The following XKR5 variants were observed in gnomAD, a reference collection of about 807,000 sequenced individuals.
XKR5 encodes XK related 5, also known as XK-related protein 5.
A neutral mutation model predicts 40.8 loss-of-function variants in XKR5; 46 were observed. The observed-to-expected ratio is 1.13, with a 90% confidence interval of 0.89 to 1.44. The LOEUF (loss-of-function observed/expected upper bound fraction) is 1.44, where lower values mean the gene tolerates loss of function less well. XKR5 is among the 40% of genes most tolerant of loss of function. XKR5 has a pLI of 0.00. For synonymous variants in XKR5, 466 were observed against 356.1 expected (o/e 1.31, Z -3.48); for missense variants, 1,169 against 844.7 (o/e 1.38, Z -4.76).
At chr8:6,817,413 C>T (rs1804013011) in intron 5 of XKR5, among the ~76,000 whole-genome samples, 1 of 152,166 alleles carries the variant, frequency 6.6e-6, no homozygotes, top group Admixed American at 6.5e-5. Flanking sequence ...AACCAAACTC[C>T]AGTCAGCCTT....
At chr8:6,817,700 T>G (rs1407876815) in intron 5 of XKR5, among the ~76,000 whole-genome samples, 1 of 152,216 alleles carries the variant, frequency 6.6e-6, no homozygotes, top group Non-Finnish European at 1.5e-5. Flanking sequence ...AGCAGTTCCT[T>G]TAGAAAGCTT....
chr8:6,815,941 A>G (rs774313907), intron 5 of XKR5, 23 bp from the exon 6 acceptor site: 1 of 1,555,544 alleles, frequency 6.4e-7, no homozygotes, highest in Admixed American at 1.8e-5. Flanking sequence ...GGACAGAGGC[A>G]CCACACCTCG....
In XKR5 at chr8:6,812,339, C is replaced by G; in HGVS notation, c.920G>C (p.Gly307Ala). The G allele has an allele frequency of 6.5e-7, 1 of 1,537,004 alleles. No homozygotes were observed. Among genetic ancestry groups the G allele is most frequent in the South Asian group, 1.2e-5 (1 of 81,062 alleles). Residue 307 changes from glycine to alanine, a missense_variant and splice_region_variant, in exon 7 of 7, where the codon GGC becomes GCC. Physicochemically the swap from Gly to Ala is moderately conservative, Grantham distance 60. Transcript: ENST00000618742. ...IAGVLSGFLIGSVSLVIYYSL... is the reference protein window; with the variant it reads ...IAGVLSGFLIASVSLVIYYSL... Reference sequence around the variant, plus strand: ...GTAATAAATTACCAGTGAGACACTGCCTGAAAAAGAACAAAAAGACCACAA... The same window carrying G: ...GTAATAAATTACCAGTGAGACACTGGCTGAAAAAGAACAAAAAGACCACAA...
chr8:6,828,038 C>A (rs1413629106), intron 2 of XKR5, among the ~76,000 whole-genome samples: 1 of 152,020 alleles, frequency 6.6e-6, no homozygotes, highest in African/African-American at 2.4e-5. Flanking sequence ...CACTGCACTC[C>A]AGCCTGGGTG....
chr8:6,813,642 A>C (rs1715939707), intron 6 of XKR5, among the ~76,000 whole-genome samples: 4 of 152,192 alleles, frequency 2.6e-5, no homozygotes, highest in Admixed American at 2.6e-4. Flanking sequence ...TGGCAGCTCC[A>C]TCAGAGGCCG....
At position 6,825,283 on chromosome 8, in the gene XKR5, C is replaced by T. The variant is rs1321748098; in HGVS notation, c.309G>A (p.Gln103=). Residue 103 remains glutamine, a synonymous_variant, in exon 3 of 7, where the codon CAG becomes CAA. Transcript: ENST00000618742. Reference sequence around the variant, plus strand: ...GGGCCGACAGGTCGGCCTCCTGCAGCTGCAGCCAGCCTCGGTGGGGAGCCT... The same window carrying T: ...GGGCCGACAGGTCGGCCTCCTGCAGTTGCAGCCAGCCTCGGTGGGGAGCCT... ...ELEAPHRGWL[Q]LQEADLSALR... 2.5e-6 allele frequency: 4 copies of T among 1,610,496 alleles called. No individual in the cohort carries two copies. The highest frequency in any genetic ancestry group is 3.4e-5 in the Admixed American group (2 of 59,198).
intron 6 of XKR5, among the ~76,000 whole-genome samples, chr8:6,815,076 C>T (rs1803896699): frequency 6.6e-6 from 1 of 152,214 alleles, no homozygotes; most frequent in African/African-American, 2.4e-5. Flanking sequence ...CGAGGCCCCA[C>T]GTGAGAGGTG....
intron 6 of XKR5, among the ~76,000 whole-genome samples, chr8:6,815,005 G>A (rs776132244): frequency 1.3e-5 from 2 of 152,228 alleles, no homozygotes; most frequent in African/African-American, 4.8e-5. Flanking sequence ...GCTCTGGAGG[G>A]AGGGCAGGAG....
At chr8:6,829,891 C>G (rs1804680277) in intron 2 of XKR5, among the ~76,000 whole-genome samples, 5 of 123,278 alleles carry the variant, frequency 4.1e-5, no homozygotes, top group South Asian at 2.7e-4. Flanking sequence ...AAGCTGGAGT[C>G]CAGTGATGCA....
intron 1 of XKR5, among the ~76,000 whole-genome samples, chr8:6,834,281 TG>T (rs1804902569): frequency 6.6e-6 from 1 of 152,214 alleles, no homozygotes; most frequent in Non-Finnish European, 1.5e-5. Context: ...TTAGGGAAAC[TG>T]GGAAAACTGC....
chr8:6,822,071 C>T, intron 4 of XKR5, 33 bp from the exon 5 acceptor site: 1 of 1,572,796 alleles, frequency 6.4e-7, no homozygotes, highest in Non-Finnish European at 8.6e-7. Flanking sequence ...CGTCAGGGTC[C>T]ATGCAAGGAG....
chr8:6,835,320 G>A (rs1804964044), intron 1 of XKR5, 116 bp downstream of exon 1: 1 of 1,104,386 alleles, frequency 9.1e-7, no homozygotes, highest in Non-Finnish European at 1.2e-6. Context: ...GGCGCGCAGT[G>A]CTGGGCGCAG....
chr8:6,811,484 G>C lies in XKR5; in HGVS notation c.1775C>G (p.Pro592Arg). 6.5e-7 allele frequency: 1 copy of C among 1,528,406 alleles called. No homozygotes were observed. The highest frequency in any genetic ancestry group is 2.0e-5 in the Admixed American group (1 of 50,514). 94.7% of individuals were successfully genotyped at this position (1,528,406 alleles called of 1,614,324 possible). Residue 592 changes from proline to arginine, a missense_variant, in exon 7 of 7, where the codon CCC becomes CGC. By Grantham distance (103) the Pro-to-Arg change is moderately radical (BLOSUM62 -2). Transcript: ENST00000618742. ...GGGGCTAATGTCGGCCATGGTGTCG[G>C]GGAAGGGCGCCAAGCCCACTGGGTG... ...SPHPVGLAPF[P>R]DTMADISPIL...
At chr8:6,832,344 C>G (rs1379935282) in intron 2 of XKR5, among the ~76,000 whole-genome samples, 1 of 152,236 alleles carries the variant, frequency 6.6e-6, no homozygotes, top group Admixed American at 6.5e-5. Context: ...GTTCACTAAA[C>G]TATGCCACCT....
chr8:6,823,586 C>A lies in XKR5; in HGVS notation c.572G>T (p.Gly191Val), dbSNP rs776042034. ...CAGAACCAGACTCAGCACGCGGGTT[C>A]CCAACATGCCCATCCTCCAGAGCTG... ...CQQLWRMGML[G>V]TRVLSLVLFY... The change falls in exon 4 of 7, where the codon GGA becomes GTA. Residue 191 changes from glycine to valine, a missense_variant. Transcript: ENST00000618742. 109 of 1,596,270 alleles carry A rather than the reference C, an allele frequency of 6.8e-5. No homozygotes were observed. Among genetic ancestry groups the A allele is most frequent in the Non-Finnish European group, 9.0e-5 (106 of 1,171,506 alleles).
Position 6,832,946 on chromosome 8 carries a change from T to G in XKR5, c.59-46A>C, listed in dbSNP as rs112669687. ...CAAGCAGGTTGTTGGAAGGCTGGAG[T>G]GAGACTGGGTACCTGCATTTTAAAC... On this transcript the variant is annotated intron_variant, in intron 1 of 6. Transcript: ENST00000618742. The G allele has an allele frequency of 0.017, 24,465 of 1,461,194 alleles. 3,054 individuals carry two copies. In the African/African-American group the frequency reaches 0.29, roughly 17 times the overall value. The allele number at this position is 1,461,194 out of a possible 1,614,324, so 90.5% of individuals were successfully genotyped here.
At chr8:6,827,650 G>A (rs1484610554) in intron 2 of XKR5, among the ~76,000 whole-genome samples, 1 of 152,178 alleles carries the variant, frequency 6.6e-6, no homozygotes, top group East Asian at 1.9e-4. Flanking sequence ...TAACCATGAG[G>A]GCAGGCAGTA....
At position 6,820,058 on chromosome 8, in the gene XKR5, T is replaced by C. The variant is rs117129464; in HGVS notation, c.807+1811A>G. 7.7e-4 allele frequency among the ~76,000 whole-genome samples: 117 copies of C among 152,354 alleles called. 2 individuals are homozygous for C. In the East Asian group the frequency reaches 0.014, roughly 18 times the overall value. On this transcript the variant is annotated intron_variant, in intron 5 of 6. Coordinates refer to ENST00000618742, the MANE Select transcript of XKR5 (RefSeq NM_207411.5). ...ATCCTAGCAACAACCATTTCAGAGA[T>C]GCAAAAACTGGGTGTGGGGGCAGGG...
chr8:6,817,912 G>A lies in XKR5; in HGVS notation c.808-1994C>T, dbSNP rs546104205. Among the ~76,000 whole-genome samples, 6 of 152,258 alleles carry A rather than the reference G, an allele frequency of 3.9e-5. No individual in the cohort carries two copies. In the South Asian group the frequency reaches 8.3e-4, roughly 21 times the overall value. On this transcript the variant is annotated intron_variant, in intron 5 of 6. Transcript: ENST00000618742. ...CTCCCAGCAAGTGACAAGCGCCAATGAACAAACACAGATGGCACACTCACA... is the reference window on the plus strand; with the variant it reads ...CTCCCAGCAAGTGACAAGCGCCAATAAACAAACACAGATGGCACACTCACA...
Sources: gnomAD v4.1 joint callset for allele counts (sites outside exome capture counted in the v4.1 genomes callset) on GRCh38, gnomAD v4.1.1 for gene constraint, MANE v1.5 for transcripts, NCBI Gene and HGNC (gene_info 2026-07-23, HGNC 2026-07-21) for gene names.